SUSD6: variants seen among roughly 807,000 people sequenced by gnomAD.
SUSD6 encodes the protein sushi domain-containing protein 6.
SUSD6 carries 16 observed loss-of-function variants against 28.4 expected under a neutral mutation model. That is an observed-to-expected ratio of 0.56 (90% CI 0.38 to 0.86). The LOEUF (loss-of-function observed/expected upper bound fraction) is 0.86, where lower values mean the gene tolerates loss of function less well. Ranked by LOEUF, SUSD6 falls within the 40% of genes least tolerant of loss-of-function variation. The probability of loss-of-function intolerance (pLI) is 0.00; values close to 1 mark genes in which losing one functional copy is unlikely to be tolerated. For missense variants in SUSD6, 341 were observed against 384.2 expected (o/e 0.89, Z 0.94); for synonymous variants, 147 against 159.6 (o/e 0.92, Z 0.59).
At chr14:69,696,625 C>G (rs1399605202) in intron 2 of SUSD6, among the ~76,000 whole-genome samples, 2 of 152,220 alleles carry the variant, frequency 1.3e-5, no homozygotes, top group South Asian at 4.1e-4. Context: ...CATGCCCTGT[C>G]GTGTGGTTCT....
intron 2 of SUSD6, among the ~76,000 whole-genome samples, chr14:69,687,679 T>C (rs1886093241): frequency 6.6e-6 from 1 of 152,198 alleles, no homozygotes; most frequent in South Asian, 2.1e-4. Context: ...ACTATTATAA[T>C]AGAGAAAAAT....
At chr14:69,622,161 C>T (rs1160863855) in intron 1 of SUSD6, among the ~76,000 whole-genome samples, 2 of 151,856 alleles carry the variant, frequency 1.3e-5, no homozygotes, top group Non-Finnish European at 2.9e-5. Flanking sequence ...GTTTTTTTGG[C>T]TTTTTTGTTT....
intron 2 of SUSD6, among the ~76,000 whole-genome samples, chr14:69,699,254 AGTGCAGTG>A (rs2139642865): frequency 6.6e-6 from 1 of 151,816 alleles, no homozygotes; most frequent in Non-Finnish European, 1.5e-5. Flanking sequence ...CCCAGGCTGG[AGTGCAGTG>A]GTGCAATCTC....
intron 2 of SUSD6, among the ~76,000 whole-genome samples, chr14:69,701,143 A>T (rs1056359039): frequency 6.6e-6 from 1 of 152,074 alleles, no homozygotes; most frequent in Admixed American, 6.5e-5. Context: ...CCCTACTCAG[A>T]ATCAGTAAGT....
At chr14:69,674,731 C>T (rs1479495354) in intron 2 of SUSD6, among the ~76,000 whole-genome samples, 4 of 152,120 alleles carry the variant, frequency 2.6e-5, no homozygotes, top group African/African-American at 7.2e-5. Flanking sequence ...CCAGAAGACT[C>T]CTGGCTTGGA....
chr14:69,654,163 A>G (rs555351266), intron 1 of SUSD6, among the ~76,000 whole-genome samples: 18 of 152,306 alleles, frequency 1.2e-4, no homozygotes, highest in African/African-American at 4.3e-4. Flanking sequence ...ACCAAAAACA[A>G]ACAAAAAACC....
rs144512082 is a variant in SUSD6, at chr14:69,631,356, T to C, written c.-81+19528T>C. On this transcript the variant is annotated intron_variant, in intron 1 of 5. Coordinates refer to ENST00000342745, the MANE Select transcript of SUSD6 (RefSeq NM_014734.4). Reference sequence around the variant, plus strand: ...TAATTTTAACATTTAAAATGAATTATGTTATATAAAATGGAATAAATTTCA... The same window carrying C: ...TAATTTTAACATTTAAAATGAATTACGTTATATAAAATGGAATAAATTTCA... Among the ~76,000 whole-genome samples the C allele has an allele frequency of 3.1e-3, 473 of 152,372 alleles. 4 individuals are homozygous for C. The highest frequency in any genetic ancestry group is 0.011 in the African/African-American group (456 of 41,588).
intron 1 of SUSD6, among the ~76,000 whole-genome samples, chr14:69,648,672 G>T (rs1885461433): frequency 6.6e-6 from 1 of 152,148 alleles, no homozygotes; most frequent in African/African-American, 2.4e-5. Context: ...GATCCACAGA[G>T]ATGGTAAAAA....
intron 1 of SUSD6, among the ~76,000 whole-genome samples, chr14:69,620,059 C>T (rs1280386525): frequency 2.0e-5 from 3 of 152,194 alleles, no homozygotes; most frequent in Admixed American, 2.0e-4. Flanking sequence ...TTAGTGGGTG[C>T]TGCTGTTTCA....
intron 1 of SUSD6, among the ~76,000 whole-genome samples, chr14:69,657,782 A>G (rs1885604931): frequency 6.6e-6 from 1 of 152,120 alleles, no homozygotes; most frequent in African/African-American, 2.4e-5. Flanking sequence ...TCTGATACAC[A>G]CACTCTTTCT....
intron 2 of SUSD6, among the ~76,000 whole-genome samples, chr14:69,699,538 C>G (rs1410356838): frequency 1.3e-5 from 2 of 148,958 alleles, no homozygotes; most frequent in Non-Finnish European, 3.0e-5. Flanking sequence ...AAATGACTTG[C>G]CTTTTTTTTT....
intron 1 of SUSD6, among the ~76,000 whole-genome samples, chr14:69,645,350 A>G (rs936755969): frequency 6.6e-6 from 1 of 152,214 alleles, no homozygotes. Flanking sequence ...GTATTAGGGA[A>G]GGTCACCTCT....
At chr14:69,653,880 A>G (rs1282022946) in intron 1 of SUSD6, among the ~76,000 whole-genome samples, 2 of 151,278 alleles carry the variant, frequency 1.3e-5, no homozygotes, top group South Asian at 4.2e-4. Flanking sequence ...CTTTCTCCAC[A>G]GTAGCTGGGT....
rs903796702 is a variant in SUSD6, at chr14:69,654,315, C to T, written c.-80-4198C>T. ...GCCTTGTGCTGGCTATTGAAGATTC[C>T]GAGTTGAGTAATTCACTGTCCCTGC... On this transcript the variant is annotated intron_variant, in intron 1 of 5. Transcript: ENST00000342745. Among the ~76,000 whole-genome samples, 18 of 152,272 alleles carry T rather than the reference C, an allele frequency of 1.2e-4. No homozygotes were observed. In the East Asian group the frequency reaches 2.7e-3, roughly 23 times the overall value.
At chr14:69,632,216 C>G (rs1885205189) in intron 1 of SUSD6, among the ~76,000 whole-genome samples, 1 of 152,194 alleles carries the variant, frequency 6.6e-6, no homozygotes, top group African/African-American at 2.4e-5. Context: ...GTTCACCCTG[C>G]TATTGCCCTG....
intron 2 of SUSD6, among the ~76,000 whole-genome samples, chr14:69,674,536 C>T (rs2139625641): frequency 6.6e-6 from 1 of 152,226 alleles, no homozygotes; most frequent in East Asian, 1.9e-4. Context: ...CCTATGCAAG[C>T]CATCTATGTG....
chr14:69,666,808 G>C (rs1595048030), intron 2 of SUSD6, among the ~76,000 whole-genome samples: 1 of 149,164 alleles, frequency 6.7e-6, no homozygotes, highest in South Asian at 2.1e-4. Flanking sequence ...AAGATTTCTT[G>C]GCCAAGTTTT....
intron 1 of SUSD6, among the ~76,000 whole-genome samples, chr14:69,616,153 C>T (rs779225065): frequency 6.6e-5 from 10 of 152,294 alleles, no homozygotes; most frequent in South Asian, 2.1e-4. Flanking sequence ...TTCTTTATTA[C>T]TCAGAAGAGG....
At chr14:69,704,849 G>A (rs1049496888) in intron 4 of SUSD6, 107 bp downstream of exon 4, 7 of 1,236,112 alleles carry the variant, frequency 5.7e-6, no homozygotes, top group South Asian at 1.4e-5. Flanking sequence ...GTGGGTCTGT[G>A]TGTGTCCAGG....
Sources: gnomAD v4.1 joint callset for allele counts (sites outside exome capture counted in the v4.1 genomes callset) on GRCh38, gnomAD v4.1.1 for gene constraint, MANE v1.5 for transcripts, NCBI Gene and HGNC (gene_info 2026-07-23, HGNC 2026-07-21) for gene names.